Variants in BCAT1 observed in about 807,000 individuals in gnomAD.
The protein encoded by BCAT1 is branched-chain-amino-acid aminotransferase, cytosolic.
A neutral mutation model predicts 52.4 loss-of-function variants in BCAT1; 48 were observed. The observed-to-expected ratio is 0.92, with a 90% CI of 0.73 to 1.16. The LOEUF (loss-of-function observed/expected upper bound fraction) is 1.16. Among genes scored for constraint, BCAT1 ranks in the 50% most tolerant of loss-of-function variants. The probability of loss-of-function intolerance (pLI) is 0.00; values close to 1 mark genes in which losing one functional copy is unlikely to be tolerated. For synonymous variants in BCAT1, 167 were observed against 161.3 expected, an observed-to-expected ratio of 1.04 and a Z score of -0.27; for missense variants, 451 against 457.1, an observed-to-expected ratio of 0.99 and a Z score of 0.12.
rs1475706183 is a variant in BCAT1, at chr12:24,814,230, G to A, written c.*3778C>T. ...AAGGAAAAGTACTTTGATAATTTTA[G>A]AGTCAAGACATGAAATAAGGGATTT... On this transcript the variant is annotated 3_prime_UTR_variant, in exon 11 of 11. Coordinates refer to ENST00000261192, the MANE Select transcript of BCAT1 (RefSeq NM_005504.7). 1 of 152,066 alleles carries A rather than the reference G, an allele frequency of 6.6e-6. No individual in the cohort carries two copies. The highest frequency in any genetic ancestry group is 6.6e-5 in the Admixed American group (1 of 15,246). The allele number at this position is 152,066 out of a possible 1,614,324, so 9.4% of individuals were successfully genotyped here.
At chr12:24,887,700 T>C (rs1838987300) in intron 3 of BCAT1, among the ~76,000 whole-genome samples, 2 of 152,240 alleles carry the variant, frequency 1.3e-5, no homozygotes, top group Non-Finnish European at 2.9e-5. Context: ...ATACATGTCT[T>C]ATCCATTTTT....
chr12:24,828,863 G>A (rs1354841751), intron 10 of BCAT1, among the ~76,000 whole-genome samples: 3 of 151,714 alleles, frequency 2.0e-5, no homozygotes, highest in East Asian at 1.9e-4. Flanking sequence ...AAAATTAGCC[G>A]GGAACGGTGG....
At chr12:24,885,969 C>A (rs1423238985) in intron 3 of BCAT1, among the ~76,000 whole-genome samples, 1 of 152,144 alleles carries the variant, frequency 6.6e-6, no homozygotes, top group Admixed American at 6.5e-5. Context: ...AAAGACACAA[C>A]AAATTCCAAA....
intron 1 of BCAT1, among the ~76,000 whole-genome samples, chr12:24,928,217 G>T (rs765620156): frequency 6.6e-6 from 1 of 152,152 alleles, no homozygotes; most frequent in Non-Finnish European, 1.5e-5. Flanking sequence ...TCTTCTCATC[G>T]TTCTAGTTCT....
rs577116041 is a variant in BCAT1, at chr12:24,877,727, G to T, written c.510+803C>A. Reference sequence around the variant, plus strand: ...ACCATTTCTACCTCAGAGAAGTACTGCCACAATGGGAGGCACTGCACTTGT... The same window carrying T: ...ACCATTTCTACCTCAGAGAAGTACTTCCACAATGGGAGGCACTGCACTTGT... On this transcript the variant is annotated intron_variant, in intron 5 of 10. Coordinates refer to ENST00000261192, the MANE Select transcript of BCAT1 (RefSeq NM_005504.7). Among the ~76,000 whole-genome samples the T allele has an allele frequency of 1.4e-3, 213 of 152,308 alleles. 1 individual carries two copies. Among genetic ancestry groups the T allele is most frequent in the Middle Eastern group, 3.4e-3 (1 of 294 alleles).
chr12:24,832,371 A>ATT lies in BCAT1; in HGVS notation c.1044+350_1044+351dup, dbSNP rs34761531. On this transcript the variant is annotated intron_variant, in intron 9 of 10. Coordinates refer to ENST00000261192, the MANE Select transcript of BCAT1 (RefSeq NM_005504.7). ...TTCATCTGGATAAACTGTCCCAGTT[A>ATT]TTTTTTTTGTAGTGCCAAGTTAAAA... is the stretch of plus-strand genomic sequence containing the variant. Among the ~76,000 whole-genome samples, 420 of 151,928 alleles carry ATT rather than the reference A, an allele frequency of 2.8e-3. 2 individuals carry two copies. Among genetic ancestry groups the ATT allele is most frequent in the African/African-American group, 9.7e-3 (402 of 41,456 alleles).
In BCAT1 at chr12:24,901,852, C is replaced by T; in HGVS notation, c.40G>A (p.Gly14Arg). The change falls in exon 2 of 11, where the codon GGA becomes AGA. Residue 14 changes from glycine to arginine, a missense_variant. By Grantham distance (125) the Gly-to-Arg change is moderately radical (BLOSUM62 -2). Transcript: ENST00000261192. ...ACCACCTCTTTTGATCCTCCTTCTC[C>T]GGTACACTCTGCGGAGCATCCGTTA... Reference protein sequence around the residue: ...CSNGCSAECTGEGGSKEVVGT... With the variant: ...CSNGCSAECTREGGSKEVVGT... The T allele has an allele frequency of 6.2e-7, 1 of 1,613,994 alleles. No individual in the cohort carries two copies. Among genetic ancestry groups the T allele is most frequent in the Non-Finnish European group, 8.5e-7 (1 of 1,179,888 alleles).
At chr12:24,937,106 A>G (rs771755519) in intron 1 of BCAT1, among the ~76,000 whole-genome samples, 18 of 152,164 alleles carry the variant, frequency 1.2e-4, no homozygotes, top group Non-Finnish European at 2.6e-4. Flanking sequence ...GAAGAGTCAG[A>G]TATCAATCCC....
intron 6 of BCAT1, among the ~76,000 whole-genome samples, chr12:24,846,637 CTG>C (rs1300680797): frequency 6.6e-6 from 1 of 152,174 alleles, no homozygotes; most frequent in Non-Finnish European, 1.5e-5. Flanking sequence ...ACATCAGTGA[CTG>C]TGAGAGTTTA....
intron 1 of BCAT1, among the ~76,000 whole-genome samples, chr12:24,916,287 G>C (rs908887727): frequency 6.6e-6 from 1 of 152,156 alleles, no homozygotes; most frequent in Non-Finnish European, 1.5e-5. Context: ...AGGTCCCTGG[G>C]CCTGTCAGAA....
At chr12:24,943,329 CA>C (rs1217140734) in intron 1 of BCAT1, among the ~76,000 whole-genome samples, 1 of 151,650 alleles carries the variant, frequency 6.6e-6, no homozygotes, top group Non-Finnish European at 1.5e-5. Flanking sequence ...CCCATCTCTA[CA>C]AAAAATACAA....
At chr12:24,880,536 G>T (rs1942463120) in intron 4 of BCAT1, among the ~76,000 whole-genome samples, 1 of 152,112 alleles carries the variant, frequency 6.6e-6, no homozygotes, top group Middle Eastern at 3.2e-3. Flanking sequence ...ATGGCCATGA[G>T]AAACCATTTT....
chr12:24,841,933 T>G, intron 7 of BCAT1, 149 bp downstream of exon 7: 2 of 820,322 alleles, frequency 2.4e-6, no homozygotes, highest in African/African-American at 1.7e-5. Context: ...AAGAAACTTG[T>G]GTCTATTTGG....
At chr12:24,852,015 G>A (rs2139475110) in intron 5 of BCAT1, among the ~76,000 whole-genome samples, 1 of 152,154 alleles carries the variant, frequency 6.6e-6, no homozygotes, top group African/African-American at 2.4e-5. Context: ...AGGATCGTGG[G>A]GGTGAATTTC....
intron 1 of BCAT1, among the ~76,000 whole-genome samples, chr12:24,926,309 C>T (rs890895916): frequency 2.0e-5 from 3 of 152,058 alleles, no homozygotes; most frequent in Admixed American, 1.3e-4. Flanking sequence ...AGCCCCTCCG[C>T]CCAGCAGCCA....
chr12:24,887,080 A>AAAAAAAAAAAAAAAT (rs1245203518), intron 3 of BCAT1, among the ~76,000 whole-genome samples: 14 of 40,728 alleles, frequency 3.4e-4, no homozygotes, highest in Admixed American at 5.9e-4. Context: ...AAAAAAAAAA[A>AAAAAAAAAAAAAAAT]ATATATATAT....
intron 1 of BCAT1, chr12:24,902,238 G>T (rs1384875883): frequency 7.4e-7 from 1 of 1,352,730 alleles, no homozygotes; most frequent in Admixed American, 3.5e-5. Context: ...AGACTGGGGT[G>T]TTAAGCCATT....
intron 5 of BCAT1, among the ~76,000 whole-genome samples, chr12:24,869,626 G>A (rs1284001355): frequency 1.3e-5 from 2 of 152,126 alleles, no homozygotes; most frequent in East Asian, 1.9e-4. Context: ...AAATACCAAA[G>A]AGAAGCAACT....
chr12:24,876,026 G>A (rs1251500800), intron 5 of BCAT1, among the ~76,000 whole-genome samples: 1 of 151,934 alleles, frequency 6.6e-6, no homozygotes, highest in African/African-American at 2.4e-5. Flanking sequence ...CTATGGTAGG[G>A]CAGAATCATC....
Sources: allele counts gnomAD v4.1 joint callset (sites outside exome capture counted in the v4.1 genomes callset), GRCh38; gene constraint gnomAD v4.1.1; transcripts MANE v1.5; gene names NCBI Gene and HGNC (gene_info 2026-07-23, HGNC 2026-07-21).